The following TMEFF1 variants were observed in gnomAD, a reference collection of about 807,000 sequenced individuals.
TMEFF1 encodes the protein tomoregulin-1.
A neutral mutation model predicts 47.5 loss-of-function variants in TMEFF1; 20 were observed. That is an observed-to-expected ratio of 0.42 (90% CI 0.30 to 0.61). TMEFF1 has a LOEUF of 0.61. TMEFF1 is among the 20% of genes least tolerant of loss of function. The pLI is 0.19. For synonymous variants in TMEFF1, 162 were observed against 166.3 expected (o/e 0.97, Z 0.20); for missense variants, 411 against 471.1 (o/e 0.87, Z 1.18).
chr9:100,474,591 G>T (rs543949639), intron 1 of TMEFF1, among the ~76,000 whole-genome samples: 1 of 152,108 alleles, frequency 6.6e-6, no homozygotes, highest in East Asian at 1.9e-4. Context: ...TCCTGTGTAG[G>T]GTTTGGATGT....
chr9:100,516,879 CA>C, intron 5 of TMEFF1, 108 bp downstream of exon 5: 1 of 1,371,766 alleles, frequency 7.3e-7, no homozygotes, highest in Non-Finnish European at 9.6e-7. Context: ...TGTGTGTTTT[CA>C]AATTTTTTTT....
At chr9:100,547,407 G>A (rs954933249) in intron 5 of TMEFF1, among the ~76,000 whole-genome samples, 2 of 152,138 alleles carry the variant, frequency 1.3e-5, no homozygotes, top group Non-Finnish European at 2.9e-5. Flanking sequence ...GTAGAATTTA[G>A]ATTTGTGACT....
At chr9:100,512,994 A>T (rs980974657) in intron 3 of TMEFF1, among the ~76,000 whole-genome samples, 1 of 152,094 alleles carries the variant, frequency 6.6e-6, no homozygotes, top group Admixed American at 6.5e-5. Context: ...AAATGAGTGG[A>T]TTAAAATTAA....
chr9:100,560,259 C>G (rs1304058441), intron 7 of TMEFF1, among the ~76,000 whole-genome samples: 1 of 152,040 alleles, frequency 6.6e-6, no homozygotes, highest in Non-Finnish European at 1.5e-5. Context: ...CTTTAGTCCT[C>G]TCAAAACTGC....
chr9:100,498,542 A>T (rs1837699895), intron 1 of TMEFF1, among the ~76,000 whole-genome samples: 1 of 152,146 alleles, frequency 6.6e-6, no homozygotes, highest in South Asian at 2.1e-4. Flanking sequence ...TTCTATTTTG[A>T]GTTACTTTTA....
chr9:100,539,740 G>A (rs1838591624), intron 5 of TMEFF1, among the ~76,000 whole-genome samples: 1 of 152,166 alleles, frequency 6.6e-6, no homozygotes, highest in African/African-American at 2.4e-5. Flanking sequence ...TGAGCGGGTT[G>A]CCACTGCTGG....
At chr9:100,543,608 T>C (rs915770696) in intron 5 of TMEFF1, among the ~76,000 whole-genome samples, 11 of 151,986 alleles carry the variant, frequency 7.2e-5, no homozygotes, top group Non-Finnish European at 1.5e-4. Context: ...CAGGGGTGTG[T>C]CCAATCATTT....
intron 5 of TMEFF1, among the ~76,000 whole-genome samples, chr9:100,528,087 C>G (rs1020884012): frequency 4.6e-5 from 7 of 151,698 alleles, no homozygotes; most frequent in African/African-American, 7.3e-5. Context: ...AAAAACCCAT[C>G]TGTACATCAC....
chr9:100,556,477 T>G (rs1838917220), intron 7 of TMEFF1, among the ~76,000 whole-genome samples: 1 of 152,116 alleles, frequency 6.6e-6, no homozygotes, highest in Admixed American at 6.5e-5. Flanking sequence ...GGGGTGGGAC[T>G]GGGGAAATCT....
At chr9:100,561,547 T>G (rs1260760184) in intron 8 of TMEFF1, 27 bp downstream of exon 8, 5 of 1,591,988 alleles carry the variant, frequency 3.1e-6, no homozygotes, top group Non-Finnish European at 4.3e-6. Flanking sequence ...AGATCAGTGG[T>G]GAGCATTTTT....
At chr9:100,482,733 A>G (rs1180764626) in intron 1 of TMEFF1, among the ~76,000 whole-genome samples, 1 of 152,148 alleles carries the variant, frequency 6.6e-6, no homozygotes, top group Non-Finnish European at 1.5e-5. Flanking sequence ...GGAGAGTCAA[A>G]TTGGTGTACA....
intron 7 of TMEFF1, among the ~76,000 whole-genome samples, chr9:100,559,432 T>G (rs937069786): frequency 6.6e-5 from 10 of 152,204 alleles, no homozygotes; most frequent in Non-Finnish European, 1.2e-4. Flanking sequence ...TGATAGCTAC[T>G]AGGCTCGTGT....
intron 8 of TMEFF1, among the ~76,000 whole-genome samples, chr9:100,569,359 T>C (rs978739303): frequency 6.6e-6 from 1 of 152,202 alleles, no homozygotes; most frequent in Non-Finnish European, 1.5e-5. Context: ...TCTGGAGAAA[T>C]GTCAGTACAC....
intron 5 of TMEFF1, among the ~76,000 whole-genome samples, chr9:100,535,873 C>T (rs1002873928): frequency 6.6e-6 from 1 of 152,164 alleles, no homozygotes; most frequent in Non-Finnish European, 1.5e-5. Flanking sequence ...ATTTGACCCC[C>T]TCTATTCTGC....
At chr9:100,552,825 A>G (rs1838848961) in intron 7 of TMEFF1, among the ~76,000 whole-genome samples, 1 of 151,492 alleles carries the variant, frequency 6.6e-6, no homozygotes, top group South Asian at 2.1e-4. Context: ...TCGCACCACT[A>G]CACTTAAGCC....
chr9:100,544,353 G>A (rs965655574), intron 5 of TMEFF1, among the ~76,000 whole-genome samples: 4 of 152,170 alleles, frequency 2.6e-5, no homozygotes, highest in Non-Finnish European at 4.4e-5. Flanking sequence ...AAGGCAAAGA[G>A]GACCAAGTCA....
chr9:100,519,080 T>C (rs1838117914), intron 5 of TMEFF1, among the ~76,000 whole-genome samples: 1 of 152,208 alleles, frequency 6.6e-6, no homozygotes, highest in South Asian at 2.1e-4. Flanking sequence ...TTAATTATTA[T>C]GAACTGCATT....
At chr9:100,552,932 T>C (rs1271384833) in intron 7 of TMEFF1, among the ~76,000 whole-genome samples, 2 of 151,610 alleles carry the variant, frequency 1.3e-5, no homozygotes, top group Admixed American at 6.6e-5. Flanking sequence ...GTGACTACCA[T>C]ATGGGACAGC....
chr9:100,512,674 T>C (rs1837990186), intron 3 of TMEFF1, among the ~76,000 whole-genome samples: 1 of 152,220 alleles, frequency 6.6e-6, no homozygotes, highest in African/African-American at 2.4e-5. Context: ...ACTGGCTTCT[T>C]TCTGGTAACT....
Sources: gnomAD v4.1 joint callset for allele counts (sites outside exome capture counted in the v4.1 genomes callset) on GRCh38, gnomAD v4.1.1 for gene constraint, MANE v1.5 for transcripts, NCBI Gene and HGNC (gene_info 2026-07-23, HGNC 2026-07-21) for gene names.